The following SDK1 variants were observed in gnomAD, a reference collection of about 807,000 sequenced individuals.
SDK1 encodes the protein sidekick cell adhesion molecule 1.
In SDK1, 157 loss-of-function variants were observed where a neutral mutation model predicts 245.5. The observed-to-expected ratio is 0.64, with a 90% CI of 0.56 to 0.73. SDK1 has a LOEUF of 0.73. Ranked by LOEUF, SDK1 falls within the 30% of genes least tolerant of loss-of-function variation. The probability of loss-of-function intolerance (pLI) is 0.00; values close to 1 mark genes in which losing one functional copy is unlikely to be tolerated. For synonymous variants in SDK1, 1,647 were observed against 1,278.5 expected, an observed-to-expected ratio of 1.29 and a Z score of -6.15; for missense variants, 3,583 against 3,002.3, an observed-to-expected ratio of 1.19 and a Z score of -4.52.
chr7:3,771,044 A>C (rs1159814190), intron 4 of SDK1, among the ~76,000 whole-genome samples: 1 of 152,010 alleles, frequency 6.6e-6, no homozygotes, highest in Admixed American at 6.6e-5. Context: ...TGTCCCTTGC[A>C]CTAATTGATG....
chr7:4,264,415 CCGCGTGGACCTCTCCTGGGGTAAGGAAG>C (rs1788303224), intron 44 of SDK1, among the ~76,000 whole-genome samples: 1 of 137,240 alleles, frequency 7.3e-6, no homozygotes, highest in Admixed American at 7.3e-5. Flanking sequence ...GTAAGGAAGG[CCGCGTGGACCTCTCCTGGGGTAAGGAAG>C]GCCGCGTGGA....
chr7:4,143,379 A>T (rs1447486020), intron 28 of SDK1, among the ~76,000 whole-genome samples: 1 of 152,078 alleles, frequency 6.6e-6, no homozygotes, highest in Non-Finnish European at 1.5e-5. Flanking sequence ...ATTGTTTTAT[A>T]ATAATATTAA....
intron 5 of SDK1, among the ~76,000 whole-genome samples, chr7:3,867,706 G>C (rs375997384): frequency 5.9e-5 from 9 of 152,338 alleles, no homozygotes; most frequent in African/African-American, 2.2e-4. Context: ...AATTCAAGAT[G>C]AGATTTGGGT....
At chr7:3,919,970 C>T (rs573205324) in intron 5 of SDK1, among the ~76,000 whole-genome samples, 1 of 152,222 alleles carries the variant, frequency 6.6e-6, no homozygotes, top group East Asian at 1.9e-4. Context: ...GAGGGGGCAC[C>T]ACCAGCTCTG....
At chr7:3,565,288 A>G (rs1203798209) in intron 1 of SDK1, among the ~76,000 whole-genome samples, 1 of 152,178 alleles carries the variant, frequency 6.6e-6, no homozygotes, top group Non-Finnish European at 1.5e-5. Context: ...AACCTTAGCT[A>G]CAAAGGAATC....
At chr7:4,021,729 A>G (rs907790478) in intron 17 of SDK1, among the ~76,000 whole-genome samples, 1 of 151,858 alleles carries the variant, frequency 6.6e-6, no homozygotes, top group Non-Finnish European at 1.5e-5. Context: ...TTTGCTGCTG[A>G]CTCTGCTTAC....
At chr7:3,672,644 T>C (rs1414638018) in intron 4 of SDK1, among the ~76,000 whole-genome samples, 1 of 140,784 alleles carries the variant, frequency 7.1e-6, no homozygotes, top group Non-Finnish European at 1.5e-5. Flanking sequence ...ATTAAATATA[T>C]ATTAAATAAA....
chr7:3,461,582 C>G (rs182392686), intron 1 of SDK1, among the ~76,000 whole-genome samples: 1 of 152,120 alleles, frequency 6.6e-6, no homozygotes, highest in Non-Finnish European at 1.5e-5. Context: ...TAGAATCCTC[C>G]GGTCACTTAG....
rs184890099 is a variant in SDK1 at position 3,349,873 on chromosome 7, A to T, written c.298+47989A>T. Among the ~76,000 whole-genome samples the T allele has an allele frequency of 9.4e-4, 143 of 152,284 alleles. 3 individuals are homozygous for T. Among genetic ancestry groups the T allele is most frequent in the Admixed American group, 9.3e-3 (143 of 15,300 alleles). On this transcript the variant is annotated intron_variant, in intron 1 of 44. Transcript: ENST00000404826. ...CGCCTCGGCCTCCCAAAGTGCTGGG[A>T]TTACAGGCATGAGCCACCGTGCCCG...
chr7:4,220,134 A>C lies in SDK1; in HGVS notation c.5565A>C (p.Glu1855Asp), dbSNP rs566682426. Residue 1855 changes from glutamate (E) to aspartate (D), a missense_variant, in exon 39 of 45, where the codon GAA becomes GAC. Physicochemically the swap from Glu to Asp is conservative, Grantham distance 45. Coordinates refer to ENST00000404826, the MANE Select transcript of SDK1 (RefSeq NM_152744.4). The part of the protein sequence containing the change: ...VQGVSKVVTV[E>D]VRGNWQRWLK... The stretch of plus-strand genomic sequence containing the variant: ...GGGTGAGCAAGGTGGTGACCGTGGA[A>C]GTGAGAGGGAACTGGCAGCGCTGGC... 6.2e-7 allele frequency: 1 copy of C among 1,613,992 alleles called. No homozygotes were observed. Among genetic ancestry groups the C allele is most frequent in the African/African-American group, 1.3e-5 (1 of 75,018 alleles).
At chr7:3,667,166 CTG>C (rs1298942378) in intron 4 of SDK1, among the ~76,000 whole-genome samples, 1 of 152,124 alleles carries the variant, frequency 6.6e-6, no homozygotes, top group African/African-American at 2.4e-5. Context: ...TCTGACCTAA[CTG>C]TAGCTAATTT....
At chr7:3,569,271 C>G (rs1780030193) in intron 1 of SDK1, among the ~76,000 whole-genome samples, 3 of 152,150 alleles carry the variant, frequency 2.0e-5, no homozygotes, top group African/African-American at 7.2e-5. Flanking sequence ...AGAAGTAAGG[C>G]AGATAGACAA....
chr7:3,804,203 C>T (rs1271786243), intron 4 of SDK1, among the ~76,000 whole-genome samples: 2 of 152,266 alleles, frequency 1.3e-5, no homozygotes, highest in African/African-American at 2.4e-5. Context: ...ATATCTTCTC[C>T]TAAAAATTTT....
rs1788522747 is a variant in SDK1 at position 4,267,220 on chromosome 7, TCCTTCCTC to T, written c.*1845_*1852del. 1.1e-6 allele frequency: 1 copy of T among 893,088 alleles called. No individual in the cohort carries two copies. The highest frequency in any genetic ancestry group is 1.3e-6 in the Non-Finnish European group (1 of 746,804). 55.3% of individuals were successfully genotyped at this position (893,088 alleles called of 1,614,324 possible). ...TCCTTTCCTTTACCCCTCCTTTCCT[TCCTTCCTC>T]CCTTCCTCTCTTCTTTCCTCCCTCC... On this transcript the variant is annotated 3_prime_UTR_variant, in exon 45 of 45. Coordinates refer to ENST00000404826, the MANE Select transcript of SDK1 (RefSeq NM_152744.4).
chr7:3,471,355 G>T (rs948464877), intron 1 of SDK1, among the ~76,000 whole-genome samples: 4 of 152,106 alleles, frequency 2.6e-5, no homozygotes, highest in African/African-American at 4.8e-5. Context: ...TCAGTAAGTG[G>T]TATTAGGAAT....
At chr7:3,823,954 T>TG (rs1779707579) in intron 5 of SDK1, among the ~76,000 whole-genome samples, 1 of 102,570 alleles carries the variant, frequency 9.7e-6, no homozygotes, top group Admixed American at 1.1e-4. Flanking sequence ...TTTTTTGTGT[T>TG]TTTTTTTTTT....
At chr7:4,112,789 CTG>C (rs1783432186) in intron 23 of SDK1, among the ~76,000 whole-genome samples, 1 of 151,800 alleles carries the variant, frequency 6.6e-6, no homozygotes, top group African/African-American at 2.4e-5. Context: ...GAGTCTCGCT[CTG>C]TCACCTAGGC....
intron 5 of SDK1, among the ~76,000 whole-genome samples, chr7:3,895,088 C>G (rs1247789732): frequency 6.6e-6 from 1 of 152,042 alleles, no homozygotes; most frequent in Non-Finnish European, 1.5e-5. Flanking sequence ...GTAAAAGTTT[C>G]TATTATAGGG....
At chr7:3,777,178 A>C (rs991470899) in intron 4 of SDK1, among the ~76,000 whole-genome samples, 19 of 152,210 alleles carry the variant, frequency 1.2e-4, no homozygotes, top group African/African-American at 4.1e-4. Flanking sequence ...GTTGTGATGA[A>C]GACTCTTGAG....
Sources: allele counts gnomAD v4.1 joint callset (sites outside exome capture counted in the v4.1 genomes callset), GRCh38; gene constraint gnomAD v4.1.1; transcripts MANE v1.5; gene names NCBI Gene and HGNC (gene_info 2026-07-23, HGNC 2026-07-21).